Variants in SGCE observed in about 807,000 individuals in gnomAD.
The protein encoded by SGCE is sarcoglycan epsilon, also known as epsilon-sarcoglycan.
Under a neutral mutation model 57.8 loss-of-function variants are expected in SGCE, and 26 were observed. The observed-to-expected ratio is 0.45, with a 90% confidence interval of 0.33 to 0.62. SGCE has a LOEUF of 0.62. SGCE is among the 20% of genes least tolerant of loss of function. The pLI, the probability that SGCE is intolerant of heterozygous loss-of-function variation, is 0.02. For synonymous variants in SGCE, 183 were observed against 189.5 expected, an observed-to-expected ratio of 0.97 and a Z score of 0.28; for missense variants, 468 against 548.6, an observed-to-expected ratio of 0.85 and a Z score of 1.47.
chr7:94,599,657 A>G (rs766571920), intron 8 of SGCE, 40 bp downstream of exon 8: 1 of 1,570,584 alleles, frequency 6.4e-7, no homozygotes, highest in South Asian at 1.1e-5. Flanking sequence ...GAGAGGTGGG[A>G]AAAAATGATG....
chr7:94,616,971 G>GCC (rs751767353), intron 5 of SGCE: 1 of 152,192 alleles, frequency 6.6e-6, no homozygotes, highest in Non-Finnish European at 1.5e-5. Flanking sequence ...CCAAATAAAT[G>GCC]CCACGGGACT....
chr7:94,645,978 G>A (rs998621118), intron 1 of SGCE, among the ~76,000 whole-genome samples: 2 of 152,028 alleles, frequency 1.3e-5, no homozygotes, highest in African/African-American at 4.8e-5. Context: ...TGACACATAT[G>A]AAAAATGATA....
intron 1 of SGCE, among the ~76,000 whole-genome samples, chr7:94,647,384 C>A (rs1807252706): frequency 6.6e-6 from 1 of 152,130 alleles, no homozygotes; most frequent in South Asian, 2.1e-4. Context: ...CTCCTATCTT[C>A]ATCTCCCCAT....
chr7:94,615,678 GT>G (rs1256931472), intron 5 of SGCE, among the ~76,000 whole-genome samples: 7 of 152,116 alleles, frequency 4.6e-5, no homozygotes, highest in Non-Finnish European at 1.0e-4. Flanking sequence ...ACATGCTTTG[GT>G]AACCAGAGGA....
intron 10 of SGCE, among the ~76,000 whole-genome samples, chr7:94,586,060 TGAAA>T (rs1796846967): frequency 1.7e-4 from 1 of 5,940 alleles, no homozygotes; most frequent in African/African-American, 1.1e-3. Context: ...AGGAACTAAA[TGAAA>T]AAAAAAAAAA....
Position 94,598,875 on chromosome 7 carries a change from A to T in SGCE, c.1153T>A (p.Ser385Thr), listed in dbSNP as rs1274760811. 1 of 1,613,234 alleles carries T rather than the reference A, an allele frequency of 6.2e-7. No individual in the cohort carries two copies. Among genetic ancestry groups the T allele is most frequent in the Non-Finnish European group, 8.5e-7 (1 of 1,179,296 alleles). The stretch of plus-strand genomic sequence containing the variant: ...ACAGGGTGGAACACAGGAAGCGTTG[A>T]CAGGGGCCATGCTATCTCTCTATTC... ...SKNREIAWPLSTLPVFHPVTG... is the reference protein window; with the variant it reads ...SKNREIAWPLTTLPVFHPVTG... Residue 385 changes from serine (S) to threonine (T), a missense_variant, in exon 9 of 11, where the codon TCA becomes ACA. By Grantham distance (58) the Ser-to-Thr change is moderately conservative. Transcript: ENST00000648936.
chr7:94,607,452 C>T (rs971567515), intron 5 of SGCE, among the ~76,000 whole-genome samples: 2 of 152,106 alleles, frequency 1.3e-5, no homozygotes, highest in African/African-American at 4.8e-5. Context: ...AGGAATTATA[C>T]ACAATGATCA....
At chr7:94,620,497 T>A (rs1584646633) in intron 4 of SGCE, 1 of 152,282 alleles carries the variant, frequency 6.6e-6, no homozygotes, top group East Asian at 1.9e-4. Context: ...AATAGCTTAA[T>A]CATGCTACAT....
At chr7:94,645,716 A>G (rs1456652265) in intron 1 of SGCE, among the ~76,000 whole-genome samples, 2 of 152,180 alleles carry the variant, frequency 1.3e-5, no homozygotes, top group Non-Finnish European at 2.9e-5. Flanking sequence ...AATAGTACCC[A>G]TATCAGTGAC....
At chr7:94,625,544 C>T (rs535989236) in intron 3 of SGCE, 88 of 152,112 alleles carry the variant, frequency 5.8e-4, no homozygotes, top group African/African-American at 2.0e-3. Context: ...TGGTGTTTAA[C>T]GATCCATTCA....
intron 5 of SGCE, among the ~76,000 whole-genome samples, chr7:94,607,837 G>C (rs1379709566): frequency 6.6e-6 from 1 of 152,170 alleles, no homozygotes; most frequent in Non-Finnish European, 1.5e-5. Flanking sequence ...ATTAAATACT[G>C]TCTTTCTTTG....
intron 10 of SGCE, chr7:94,587,363 T>C: frequency 3.8e-6 from 4 of 1,042,844 alleles, no homozygotes; most frequent in Non-Finnish European, 4.6e-6. Context: ...AAATATTTAC[T>C]GTTTTTCTAG....
chr7:94,585,439 T>C lies in SGCE; in HGVS notation c.*60A>G, dbSNP rs1247330453. 2.7e-6 allele frequency: 4 copies of C among 1,498,184 alleles called. No homozygotes were observed. Among genetic ancestry groups the C allele is most frequent in the East Asian group, 4.5e-5 (2 of 44,130 alleles). The allele number at this position is 1,498,184 out of a possible 1,614,324, so 92.8% of individuals were successfully genotyped here. ...ATGCATTATTGGAAGAGAAAAGAAA[T>C]GTGATGTAACTGCTATATTGTCTGA... On this transcript the variant is annotated 3_prime_UTR_variant, in exon 11 of 11. Coordinates refer to ENST00000648936, the MANE Select transcript of SGCE (RefSeq NM_003919.3).
chr7:94,629,838 T>A lies in SGCE; in HGVS notation c.113A>T (p.Tyr38Phe), dbSNP rs1325543193. Residue 38 changes from tyrosine to phenylalanine, a missense_variant, in exon 2 of 11, where the codon TAC (tyrosine) becomes TTC (phenylalanine). Coordinates refer to ENST00000648936, the MANE Select transcript of SGCE (RefSeq NM_003919.3). ...ATTGTFLLTV[Y>F]SIFSKVHSDR... is the part of the protein sequence containing the mutation. ...GGAGTGTACCTTGGAGAAAATACTG[T>A]ACACTGAAAACAAAGAGGAAAGATA... The A allele has an allele frequency of 6.2e-7, 1 of 1,610,538 alleles. No individual in the cohort carries two copies.
At chr7:94,653,959 A>G (rs1200252267) in intron 1 of SGCE, among the ~76,000 whole-genome samples, 1 of 152,110 alleles carries the variant, frequency 6.6e-6, no homozygotes, top group African/African-American at 2.4e-5. Flanking sequence ...AAAATAATCG[A>G]GGAGAATTAA....
chr7:94,643,260 AT>A (rs1806642567), intron 1 of SGCE, among the ~76,000 whole-genome samples: 1 of 152,242 alleles, frequency 6.6e-6, no homozygotes, highest in South Asian at 2.1e-4. Flanking sequence ...CCAGCATAAG[AT>A]TTAACACCAC....
chr7:94,603,498 A>G, intron 5 of SGCE, 46 bp from the exon 6 acceptor site: 1 of 1,548,052 alleles, frequency 6.5e-7, no homozygotes, highest in Non-Finnish European at 8.9e-7. Flanking sequence ...GAAAATTGAA[A>G]ACACTAAAAA....
At chr7:94,632,241 T>C (rs1420172065) in intron 1 of SGCE, among the ~76,000 whole-genome samples, 2 of 152,000 alleles carry the variant, frequency 1.3e-5, no homozygotes, top group Non-Finnish European at 2.9e-5. Context: ...AATGATTCCA[T>C]TTTCTACATT....
intron 1 of SGCE, chr7:94,644,768 G>A (rs1806836535): frequency 5.2e-6 from 2 of 381,712 alleles, no homozygotes; most frequent in Admixed American, 3.2e-5. Context: ...AAGTTGTTAC[G>A]CTGCTCCCTG....
Sources: gnomAD v4.1 joint callset for allele counts (sites outside exome capture counted in the v4.1 genomes callset) on GRCh38, gnomAD v4.1.1 for gene constraint, MANE v1.5 for transcripts, NCBI Gene and HGNC (gene_info 2026-07-23, HGNC 2026-07-21) for gene names.